TMPRSS11E: variants seen among roughly 807,000 people sequenced by gnomAD.
The protein encoded by TMPRSS11E is transmembrane serine protease 11E.
A neutral mutation model predicts 48.1 loss-of-function variants in TMPRSS11E; 38 were observed. The ratio of observed to expected loss-of-function variants is 0.79; its 90% CI spans 0.61 to 1.04. The LOEUF is 1.04. Ranked by LOEUF, TMPRSS11E falls within the 50% of genes least tolerant of loss-of-function variation. The probability of loss-of-function intolerance (pLI) is 0.00; values close to 1 mark genes in which losing one functional copy is unlikely to be tolerated. For missense variants in TMPRSS11E, 530 were observed against 510.8 expected, an observed-to-expected ratio of 1.04 and a Z score of -0.36; for synonymous variants, 158 against 171.9, an observed-to-expected ratio of 0.92 and a Z score of 0.63.
At chr4:68,448,995 G>T (rs1728421449) in intron 1 of TMPRSS11E, among the ~76,000 whole-genome samples, 1 of 151,720 alleles carries the variant, frequency 6.6e-6, no homozygotes, top group Admixed American at 6.6e-5. Flanking sequence ...TTCTTCTTAA[G>T]GTCATTGGTT....
chr4:68,492,853 T>C (rs1729767956), intron 9 of TMPRSS11E, among the ~76,000 whole-genome samples: 1 of 152,156 alleles, frequency 6.6e-6, no homozygotes, highest in South Asian at 2.1e-4. Flanking sequence ...GAGAATAACC[T>C]GTATTTTATT....
At position 68,468,945 on chromosome 4, in the gene TMPRSS11E, AG is replaced by A; in HGVS notation, c.326+1del. 6.2e-7 allele frequency: 1 copy of A among 1,608,638 alleles called. No homozygotes were observed. The highest frequency in any genetic ancestry group is 8.5e-7 in the Non-Finnish European group (1 of 1,175,690). On this transcript the variant is annotated frameshift_variant and splice_region_variant, in exon 4 of 10. Coordinates refer to ENST00000305363, the MANE Select transcript of TMPRSS11E (RefSeq NM_014058.4). LOFTEE classifies it high-confidence loss of function. ...EFVKSQVIKFSQQKHGVLAHM... is the reference protein window; with the variant it reads ...EFVKSQVIKFXQQKHGVLAHM... ...TGTCAAGTCTCAGGTTATCAAGTTCAGGTATGTAAATCTGAATTGCTGACTT... is the reference window on the plus strand; with the variant it reads ...TGTCAAGTCTCAGGTTATCAAGTTCAGTATGTAAATCTGAATTGCTGACTT...
At chr4:68,456,527 T>C (rs979905158) in intron 1 of TMPRSS11E, among the ~76,000 whole-genome samples, 3 of 152,090 alleles carry the variant, frequency 2.0e-5, no homozygotes, top group Non-Finnish European at 4.4e-5. Flanking sequence ...TTATTTCTAC[T>C]GTGGATATTT....
intron 1 of TMPRSS11E, among the ~76,000 whole-genome samples, chr4:68,461,102 T>C (rs1728778615): frequency 6.6e-6 from 1 of 152,040 alleles, no homozygotes; most frequent in African/African-American, 2.4e-5. Flanking sequence ...AGGATGGTCT[T>C]GATCTCCCGA....
At chr4:68,447,915 T>A (rs773234233) in intron 1 of TMPRSS11E, among the ~76,000 whole-genome samples, 4 of 151,770 alleles carry the variant, frequency 2.6e-5, no homozygotes, top group Non-Finnish European at 5.9e-5. Context: ...AAAAAAAGTC[T>A]GAAATAATGC....
chr4:68,484,915 C>G (rs1286758643), intron 9 of TMPRSS11E, among the ~76,000 whole-genome samples: 7 of 152,146 alleles, frequency 4.6e-5, no homozygotes, highest in Non-Finnish European at 8.8e-5. Context: ...TTGACTTCCT[C>G]TCTTCTATTT....
intron 9 of TMPRSS11E, among the ~76,000 whole-genome samples, chr4:68,483,064 C>G (rs1055172729): frequency 5.3e-5 from 8 of 152,134 alleles, no homozygotes; most frequent in African/African-American, 1.7e-4. Context: ...TCTTGCATTG[C>G]TATTAAGAAA....
At chr4:68,478,356 C>G (rs947227325) in intron 8 of TMPRSS11E, among the ~76,000 whole-genome samples, 2 of 150,026 alleles carry the variant, frequency 1.3e-5, no homozygotes, top group Non-Finnish European at 3.0e-5. Context: ...GTTGGCCAGG[C>G]TGGTCTCAAA....
chr4:68,474,228 GT>G (rs1729149931), intron 5 of TMPRSS11E, among the ~76,000 whole-genome samples: 1 of 152,140 alleles, frequency 6.6e-6, no homozygotes, highest in Admixed American at 6.6e-5. Context: ...GTTTTTAACT[GT>G]GAGTGAGTAC....
intron 1 of TMPRSS11E, among the ~76,000 whole-genome samples, chr4:68,455,852 A>G (rs1306642183): frequency 6.6e-6 from 1 of 152,036 alleles, no homozygotes; most frequent in African/African-American, 2.4e-5. Flanking sequence ...ATCTTGAACT[A>G]AAAAGAGTTT....
intron 9 of TMPRSS11E, among the ~76,000 whole-genome samples, chr4:68,484,000 C>T (rs2708687): frequency 0.66 from 100,137 of 151,590 alleles, 33,427 homozygotes; most frequent in East Asian, 0.86. Context: ...TATGTGTCTA[C>T]TTTTTTTGTA....
At chr4:68,488,125 C>A (rs549863733) in intron 9 of TMPRSS11E, among the ~76,000 whole-genome samples, 1 of 151,944 alleles carries the variant, frequency 6.6e-6, no homozygotes, top group African/African-American at 2.4e-5. Context: ...GAGAATCTGA[C>A]GACAAGGCGT....
chr4:68,451,869 C>G (rs1352719901), intron 1 of TMPRSS11E, among the ~76,000 whole-genome samples: 1 of 151,920 alleles, frequency 6.6e-6, no homozygotes, highest in African/African-American at 2.4e-5. Flanking sequence ...TATCTGACTT[C>G]AAAGCCTATG....
Position 68,477,503 on chromosome 4 carries a change from C to G in TMPRSS11E, c.842C>G (p.Ala281Gly). 6.2e-7 allele frequency: 1 copy of G among 1,614,120 alleles called. No individual in the cohort carries two copies. Among genetic ancestry groups the G allele is most frequent in the Non-Finnish European group, 8.5e-7 (1 of 1,179,990 alleles). Residue 281 changes from alanine to glycine, a missense_variant, in exon 8 of 10, where the codon GCA becomes GGA. Ala to Gly is a moderately conservative substitution (Grantham distance 60). Coordinates refer to ENST00000305363, the MANE Select transcript of TMPRSS11E (RefSeq NM_014058.4). ...HPSHDYDISL[A>G]ELSSPVPYTN... ...TCACATGACTATGATATTTCTCTTG[C>G]AGAGCTTTCTAGCCCTGTTCCCTAC... is the stretch of plus-strand genomic sequence containing the variant.
At chr4:68,471,005 C>T (rs955834781) in intron 4 of TMPRSS11E, among the ~76,000 whole-genome samples, 18 of 151,806 alleles carry the variant, frequency 1.2e-4, no homozygotes, top group African/African-American at 3.6e-4. Flanking sequence ...TGGTTTTTGA[C>T]AAGGTGTCTT....
At chr4:68,449,852 GTCACC>G (rs1728445501) in intron 1 of TMPRSS11E, among the ~76,000 whole-genome samples, 1 of 151,790 alleles carries the variant, frequency 6.6e-6, no homozygotes, top group African/African-American at 2.4e-5. Context: ...CTCTTTCCCA[GTCACC>G]TTTCCCTTCA....
intron 1 of TMPRSS11E, 69 bp downstream of exon 1, chr4:68,447,592 A>C (rs1728374726): frequency 7.8e-7 from 1 of 1,285,954 alleles, no homozygotes; most frequent in South Asian, 1.3e-5. Flanking sequence ...TATGAGCCAC[A>C]CCAAGGAATG....
rs1408465980 is a variant in TMPRSS11E, at chr4:68,466,646, A to G, written c.152A>G (p.Tyr51Cys). 1.9e-6 allele frequency: 3 copies of G among 1,612,786 alleles called. No homozygotes were observed. The highest frequency in any genetic ancestry group is 1.7e-6 in the Non-Finnish European group (2 of 1,179,410). The change falls in exon 3 of 10, where the codon TAC (tyrosine) becomes TGC (cysteine). Residue 51 changes from tyrosine (Y) to cysteine (C), a missense_variant. Tyr to Cys is a radical substitution (Grantham distance 194). Transcript: ENST00000305363. ...HYVRYNQKKT[Y>C]NYYSTLSFTT... ...TTCCTTGTAGATCAAAAGAAGACCT[A>G]CAATTACTATAGCACATTGTCATTT... is the stretch of plus-strand genomic sequence containing the variant.
chr4:68,455,574 G>A (rs972718048), intron 1 of TMPRSS11E, among the ~76,000 whole-genome samples: 10 of 151,876 alleles, frequency 6.6e-5, no homozygotes, highest in Non-Finnish European at 1.3e-4. Flanking sequence ...AAGAAGATTT[G>A]GTAGGAAGAC....
Sources: allele counts gnomAD v4.1 joint callset (sites outside exome capture counted in the v4.1 genomes callset), GRCh38; gene constraint gnomAD v4.1.1; transcripts MANE v1.5; gene names NCBI Gene and HGNC (gene_info 2026-07-23, HGNC 2026-07-21).